Variants in COL12A1 observed in about 807,000 individuals in gnomAD.
The protein encoded by COL12A1 is collagen alpha-1(XII) chain.
In COL12A1, 114 loss-of-function variants were observed where a neutral mutation model predicts 349.7. The ratio of observed to expected loss-of-function variants is 0.33; its 90% CI spans 0.28 to 0.38. COL12A1 has a LOEUF of 0.38. Among genes scored for constraint, COL12A1 ranks in the 10% least tolerant of loss-of-function variants. COL12A1 has a pLI of 1.00. For missense variants in COL12A1, 3,284 were observed against 3,756.9 expected, an observed-to-expected ratio of 0.87 and a Z score of 3.29; for synonymous variants, 1,369 against 1,329.0, an observed-to-expected ratio of 1.03 and a Z score of -0.66.
chr6:75,120,335 TAA>T (rs1769294183), intron 44 of COL12A1, among the ~76,000 whole-genome samples: 1 of 152,172 alleles, frequency 6.6e-6, no homozygotes, highest in South Asian at 2.1e-4. Flanking sequence ...TACTATTCCA[TAA>T]AAGAGGACAA....
At chr6:75,116,562 A>G (rs1486867605) in intron 47 of COL12A1, among the ~76,000 whole-genome samples, 1 of 152,146 alleles carries the variant, frequency 6.6e-6, no homozygotes, top group Non-Finnish European at 1.5e-5. Flanking sequence ...TACTTGGGAC[A>G]GAAGAGAAAC....
intron 59 of COL12A1, among the ~76,000 whole-genome samples, chr6:75,096,768 C>G (rs1011518583): frequency 6.6e-6 from 1 of 150,838 alleles, no homozygotes; most frequent in Non-Finnish European, 1.5e-5. Flanking sequence ...TAGTGGCGGG[C>G]GCCTGTAGTC....
In COL12A1 at chr6:75,191,684, G is replaced by A; in HGVS notation, c.394+17C>T. 6.3e-7 allele frequency: 1 copy of A among 1,580,132 alleles called. No individual in the cohort carries two copies. The highest frequency in any genetic ancestry group is 8.6e-7 in the Non-Finnish European group (1 of 1,162,300). On this transcript the variant is annotated intron_variant, in intron 5 of 65. Coordinates refer to ENST00000322507, the MANE Select transcript of COL12A1 (RefSeq NM_004370.6). ...ACTTCCATGAATCTAAGCAAAAATA[G>A]TAAGAGAAACACTCACTTTGTATCT... is the stretch of plus-strand genomic sequence containing the variant.
At chr6:75,127,294 A>T (rs1238434100) in intron 38 of COL12A1, among the ~76,000 whole-genome samples, 2 of 152,184 alleles carry the variant, frequency 1.3e-5, no homozygotes, top group African/African-American at 4.8e-5. Flanking sequence ...CCATTGACTC[A>T]GTCTGTAGAC....
At chr6:75,180,831 G>T in intron 11 of COL12A1, 108 bp downstream of exon 11, 1 of 1,283,264 alleles carries the variant, frequency 7.8e-7, no homozygotes, top group South Asian at 1.7e-5. Context: ...ATCTTACAAA[G>T]GCATTGGCAA....
intron 51 of COL12A1, among the ~76,000 whole-genome samples, chr6:75,110,578 C>A (rs754184025): frequency 2.6e-5 from 4 of 151,934 alleles, no homozygotes; most frequent in Non-Finnish European, 4.4e-5. Flanking sequence ...CACTCATCTC[C>A]CTTCCCAGAC....
intron 51 of COL12A1, among the ~76,000 whole-genome samples, chr6:75,109,900 CAAAT>C (rs1768748672): frequency 6.6e-6 from 1 of 152,032 alleles, no homozygotes; most frequent in African/African-American, 2.4e-5. Flanking sequence ...TATCACAGCA[CAAAT>C]ACTCAAGTAA....
intron 8 of COL12A1, 78 bp from the exon 9 acceptor site, chr6:75,184,222 C>T (rs1562298294): frequency 1.4e-6 from 2 of 1,395,154 alleles, no homozygotes; most frequent in Non-Finnish European, 1.9e-6. Context: ...TTTGGACCTT[C>T]AAATCTCCTT....
chr6:75,127,785 C>G (rs1039261765), intron 38 of COL12A1, among the ~76,000 whole-genome samples: 1 of 152,076 alleles, frequency 6.6e-6, no homozygotes, highest in African/African-American at 2.4e-5. Flanking sequence ...AAAAATGGGT[C>G]TGAACATTGA....
chr6:75,143,051 C>CA (rs1305063872), intron 26 of COL12A1, among the ~76,000 whole-genome samples: 2 of 152,160 alleles, frequency 1.3e-5, no homozygotes, highest in African/African-American at 4.8e-5. Flanking sequence ...TATCACACAG[C>CA]AAAACATTTC....
chr6:75,108,630 C>A (rs370332869), intron 52 of COL12A1, among the ~76,000 whole-genome samples: 27 of 152,146 alleles, frequency 1.8e-4, no homozygotes, highest in African/African-American at 5.8e-4. Context: ...ACTAGTGTCC[C>A]CAAATGCTTA....
intron 36 of COL12A1, 97 bp downstream of exon 36, chr6:75,130,755 C>T (rs987502405): frequency 6.7e-7 from 1 of 1,491,452 alleles, no homozygotes; most frequent in African/African-American, 1.4e-5. Flanking sequence ...AGAAAGCACC[C>T]ATCTCTCACC....
At chr6:75,194,792 A>C in intron 3 of COL12A1, 39 bp downstream of exon 3, 2 of 1,295,060 alleles carry the variant, frequency 1.5e-6, no homozygotes, top group East Asian at 4.7e-5. Context: ...TTATATCATC[A>C]TGATGCTTCT....
At chr6:75,136,760 T>C (rs1250135651) in intron 31 of COL12A1, among the ~76,000 whole-genome samples, 2 of 152,082 alleles carry the variant, frequency 1.3e-5, no homozygotes, top group Non-Finnish European at 2.9e-5. Flanking sequence ...TCTAATTACA[T>C]AGTTCACAAA....
rs1219532719 is a variant in COL12A1 at position 75,095,264 on chromosome 6, C to T, written c.8578-85G>A. The T allele has an allele frequency of 4.0e-6, 4 of 988,510 alleles. No homozygotes were observed. The African/African-American group carries it at 5.0e-5, about 12-fold the overall frequency. 61.2% of individuals were successfully genotyped at this position (988,510 alleles called of 1,614,324 possible). On this transcript the variant is annotated intron_variant, in intron 59 of 65. Coordinates refer to ENST00000322507, the MANE Select transcript of COL12A1 (RefSeq NM_004370.6). ...AAATGAATACAGCCTGTTTTAAACGCGTTTAAATGAAACAACTCATAATTA... is the reference window on the plus strand; with the variant it reads ...AAATGAATACAGCCTGTTTTAAACGTGTTTAAATGAAACAACTCATAATTA...
chr6:75,103,893 G>A (rs1768423577), intron 54 of COL12A1, 83 bp from the exon 55 acceptor site: 1 of 997,520 alleles, frequency 1.0e-6, no homozygotes, highest in South Asian at 1.6e-5. Flanking sequence ...AAGAAAAAGT[G>A]CAATTTCCAG....
intron 11 of COL12A1, 101 bp from the exon 12 acceptor site, chr6:75,178,036 C>G: frequency 9.0e-7 from 1 of 1,106,732 alleles, no homozygotes; most frequent in Non-Finnish European, 1.3e-6. Context: ...TACCATTTCT[C>G]TAAAGAAATC....
chr6:75,137,348 A>C, intron 31 of COL12A1, 89 bp downstream of exon 31: 4 of 1,196,938 alleles, frequency 3.3e-6, no homozygotes, highest in Non-Finnish European at 4.6e-6. Flanking sequence ...TTAAAAAGTA[A>C]GTATGACTAA....
At chr6:75,155,364 T>C (rs997717685) in intron 16 of COL12A1, among the ~76,000 whole-genome samples, 1 of 152,150 alleles carries the variant, frequency 6.6e-6, no homozygotes, top group Non-Finnish European at 1.5e-5. Flanking sequence ...AGAACATTAA[T>C]TTCTTAAAAG....
Sources: gnomAD v4.1 joint callset for allele counts (sites outside exome capture counted in the v4.1 genomes callset) on GRCh38, gnomAD v4.1.1 for gene constraint, MANE v1.5 for transcripts, NCBI Gene and HGNC (gene_info 2026-07-23, HGNC 2026-07-21) for gene names.